Variants in PRKCE observed in about 807,000 individuals in gnomAD.
The protein encoded by PRKCE is protein kinase C epsilon type.
Under a neutral mutation model 85.4 loss-of-function variants are expected in PRKCE, and 16 were observed. That is an observed-to-expected ratio of 0.19 (90% CI 0.13 to 0.28). The LOEUF is 0.28. PRKCE is among the 10% of genes least tolerant of loss of function. The pLI, the probability that PRKCE is intolerant of heterozygous loss-of-function variation, is 1.00. For synonymous variants in PRKCE, 388 were observed against 371.5 expected (o/e 1.04, Z -0.51); for missense variants, 573 against 975.2 (o/e 0.59, Z 5.49).
rs1558623762 is a variant in PRKCE at position 45,744,481 on chromosome 2, CTTTCT to C, written c.348+92037_348+92041del. 3.6e-3 allele frequency among the ~76,000 whole-genome samples: 154 copies of C among 43,004 alleles called. 1 individual carries two copies. The highest frequency in any genetic ancestry group is 8.3e-3 in the South Asian group (8 of 962). 28.2% of individuals were successfully genotyped at this position (43,004 alleles called of 152,430 possible). Reference sequence around the variant, plus strand: ...TCTTTCTTTCTTTCTTTCTTTCTTTCTTTCTTTTTCTTTCTTTCTTTTCTTTCTTT... The same window carrying C: ...TCTTTCTTTCTTTCTTTCTTTCTTTCTTTTCTTTCTTTCTTTTCTTTCTTT... On this transcript the variant is annotated intron_variant, in intron 1 of 14. Transcript: ENST00000306156.
chr2:45,726,485 T>G (rs1681082176), intron 1 of PRKCE, among the ~76,000 whole-genome samples: 1 of 152,190 alleles, frequency 6.6e-6, no homozygotes, highest in African/African-American at 2.4e-5. Flanking sequence ...TGCTAAAGGC[T>G]CAGATGGTCA....
chr2:45,735,952 T>C (rs922132425), intron 1 of PRKCE, among the ~76,000 whole-genome samples: 1 of 152,210 alleles, frequency 6.6e-6, no homozygotes, highest in African/African-American at 2.4e-5. Flanking sequence ...TTTTACCATC[T>C]GACATACACA....
At chr2:46,167,411 C>G (rs999605443) in intron 14 of PRKCE, among the ~76,000 whole-genome samples, 1 of 152,126 alleles carries the variant, frequency 6.6e-6, no homozygotes, top group Non-Finnish European at 1.5e-5. Flanking sequence ...GTGAGGAGGA[C>G]AACAGGAGCC....
At chr2:46,125,811 TA>T (rs1673791408) in intron 11 of PRKCE, among the ~76,000 whole-genome samples, 1 of 152,236 alleles carries the variant, frequency 6.6e-6, no homozygotes, top group South Asian at 2.1e-4. Context: ...TAGAATTAAA[TA>T]AGCATGAAAA....
intron 10 of PRKCE, among the ~76,000 whole-genome samples, chr2:46,057,621 A>C (rs1174819330): frequency 6.6e-6 from 1 of 152,022 alleles, no homozygotes; most frequent in East Asian, 1.9e-4. Context: ...TTTAGTAGAC[A>C]CGGGGTTTCG....
chr2:46,063,830 A>C (rs1667371575), intron 10 of PRKCE, among the ~76,000 whole-genome samples: 1 of 152,230 alleles, frequency 6.6e-6, no homozygotes, highest in Non-Finnish European at 1.5e-5. Context: ...AAAGTCATTT[A>C]AGATACAGAT....
At chr2:45,709,662 C>T (rs1015970130) in intron 1 of PRKCE, among the ~76,000 whole-genome samples, 18 of 152,314 alleles carry the variant, frequency 1.2e-4, no homozygotes, top group African/African-American at 4.3e-4. Context: ...CCCTGTGACC[C>T]TAAGTCAGGG....
chr2:45,978,220 G>C (rs1338527611), intron 3 of PRKCE: 1 of 152,208 alleles, frequency 6.6e-6, no homozygotes, highest in Admixed American at 6.5e-5. Context: ...TACAGATCCA[G>C]GTCTCCTCTA....
chr2:45,699,109 T>C (rs957743748), intron 1 of PRKCE, among the ~76,000 whole-genome samples: 1 of 152,008 alleles, frequency 6.6e-6, no homozygotes, highest in Non-Finnish European at 1.5e-5. Context: ...CCATAATATA[T>C]TTTTTTCCTT....
intron 1 of PRKCE, among the ~76,000 whole-genome samples, chr2:45,702,932 T>C (rs1678774747): frequency 6.6e-6 from 1 of 152,134 alleles, no homozygotes; most frequent in South Asian, 2.1e-4. Flanking sequence ...GGGCTTAGTG[T>C]TCCGGAGATC....
At chr2:45,735,360 G>A (rs959335681) in intron 1 of PRKCE, among the ~76,000 whole-genome samples, 13 of 152,190 alleles carry the variant, frequency 8.5e-5, no homozygotes, top group African/African-American at 3.1e-4. Flanking sequence ...GTTGCAAAAA[G>A]GAACAATCAA....
chr2:45,796,106 T>A (rs1687414539), intron 1 of PRKCE, among the ~76,000 whole-genome samples: 2 of 152,226 alleles, frequency 1.3e-5, no homozygotes, highest in African/African-American at 4.8e-5. Flanking sequence ...AGAATGCCCT[T>A]CCCTGCTCTA....
At chr2:45,823,155 G>A (rs1558714384) in intron 1 of PRKCE, among the ~76,000 whole-genome samples, 2 of 152,196 alleles carry the variant, frequency 1.3e-5, no homozygotes, top group Non-Finnish European at 2.9e-5. Flanking sequence ...ACTTGTCAAG[G>A]AATGAAATGG....
chr2:46,035,401 G>C (rs560307101), intron 10 of PRKCE, among the ~76,000 whole-genome samples: 1 of 152,354 alleles, frequency 6.6e-6, no homozygotes, highest in African/African-American at 2.4e-5. Flanking sequence ...TGCTTGACTA[G>C]ACCATACCCC....
chr2:45,802,785 C>T (rs1166631893), intron 1 of PRKCE, among the ~76,000 whole-genome samples: 3 of 152,218 alleles, frequency 2.0e-5, no homozygotes, highest in Non-Finnish European at 4.4e-5. Flanking sequence ...TCAAACTTTA[C>T]TGTGAATTAA....
chr2:45,969,004 T>A (rs1244179492), intron 2 of PRKCE, among the ~76,000 whole-genome samples: 1 of 146,090 alleles, frequency 6.8e-6, no homozygotes, highest in Non-Finnish European at 1.5e-5. Context: ...TCTTGTCACC[T>A]GCCTACAGCC....
chr2:45,732,277 T>A (rs1218432439), intron 1 of PRKCE, among the ~76,000 whole-genome samples: 1 of 152,152 alleles, frequency 6.6e-6, no homozygotes, highest in African/African-American at 2.4e-5. Flanking sequence ...GGTTTTTCTA[T>A]AGGTGAGCCC....
intron 1 of PRKCE, among the ~76,000 whole-genome samples, chr2:45,659,691 A>G (rs1312894784): frequency 6.6e-6 from 1 of 152,008 alleles, no homozygotes. Flanking sequence ...TACCCTTGCC[A>G]TCCCATTTTT....
intron 1 of PRKCE, among the ~76,000 whole-genome samples, chr2:45,775,097 A>G (rs1685647155): frequency 6.6e-6 from 1 of 152,202 alleles, no homozygotes; most frequent in South Asian, 2.1e-4. Context: ...CTGAGACTGT[A>G]TTACATGTCA....
Sources: gnomAD v4.1 joint callset for allele counts (sites outside exome capture counted in the v4.1 genomes callset) on GRCh38, gnomAD v4.1.1 for gene constraint, MANE v1.5 for transcripts, NCBI Gene and HGNC (gene_info 2026-07-23, HGNC 2026-07-21) for gene names.